Variants in PRICKLE2 observed in about 807,000 individuals in gnomAD.
PRICKLE2 encodes the protein prickle-like protein 2.
A neutral mutation model predicts 81.4 loss-of-function variants in PRICKLE2; 21 were observed. The observed-to-expected ratio is 0.26, with a 90% CI of 0.18 to 0.37. The LOEUF is 0.37. Among genes scored for constraint, PRICKLE2 ranks in the 10% least tolerant of loss-of-function variants. PRICKLE2 has a pLI of 1.00. For synonymous variants in PRICKLE2, 456 were observed against 421.5 expected (o/e 1.08, Z -1.00); for missense variants, 940 against 1,109.0 (o/e 0.85, Z 2.16).
chr3:64,153,111 C>T lies in PRICKLE2; in HGVS notation c.787+71G>A, dbSNP rs979156786. 4 of 1,411,864 alleles carry T rather than the reference C, an allele frequency of 2.8e-6. No individual in the cohort carries two copies. The Admixed American group carries it at 5.0e-5, about 18-fold the overall frequency. 87.5% of individuals were successfully genotyped at this position (1,411,864 alleles called of 1,614,324 possible). ...TTTCTAACACTTGCAATCAAAGATACTTTAACTACACCCAAAACAAAGGTG... is the reference window on the plus strand; with the variant it reads ...TTTCTAACACTTGCAATCAAAGATATTTTAACTACACCCAAAACAAAGGTG... On this transcript the variant is annotated intron_variant, in intron 6 of 7. Transcript: ENST00000638394.
At chr3:64,222,506 G>C (rs2078970857) in intron 1 of PRICKLE2, among the ~76,000 whole-genome samples, 1 of 152,182 alleles carries the variant, frequency 6.6e-6, no homozygotes, top group Non-Finnish European at 1.5e-5. Context: ...GACAGAAGTA[G>C]GCCCACCGGC....
chr3:64,166,726 T>G (rs2077839676), intron 2 of PRICKLE2, among the ~76,000 whole-genome samples: 1 of 152,188 alleles, frequency 6.6e-6, no homozygotes, highest in Non-Finnish European at 1.5e-5. Flanking sequence ...AAGTTAATAT[T>G]AATTAACAAC....
At position 64,099,456 on chromosome 3, in the gene PRICKLE2, C is replaced by A; in HGVS notation, c.2130G>T (p.Arg710=). ...CTCTCAGAGGGGGCCTATCTTTTAA[C>A]CGGGAGATGGCCTCGCGTTCGCTGG... ...HLASEREAIS[R]LKDRPPLRAR... The change falls in exon 8 of 8, where the codon CGG becomes CGT. Residue 710 remains arginine, a synonymous_variant. Transcript: ENST00000638394. This position sits in a 1 kb window ranked among gnomAD's most constrained non-coding sequence, Gnocchi z 4.3. The A allele has an allele frequency of 6.3e-7, 1 of 1,584,724 alleles. No individual in the cohort carries two copies. Among genetic ancestry groups the A allele is most frequent in the Non-Finnish European group, 8.6e-7 (1 of 1,162,082 alleles).
At chr3:64,114,939 G>T (rs2076911441) in intron 7 of PRICKLE2, among the ~76,000 whole-genome samples, 1 of 152,102 alleles carries the variant, frequency 6.6e-6, no homozygotes, top group African/African-American at 2.4e-5. Context: ...AATGTTAAAG[G>T]CAGCTAGAGG....
At chr3:64,125,166 A>G (rs1348407276) in intron 7 of PRICKLE2, among the ~76,000 whole-genome samples, 4 of 152,218 alleles carry the variant, frequency 2.6e-5, no homozygotes, top group African/African-American at 9.7e-5. Context: ...ACTAGAATTA[A>G]GAGTGGAGCC....
intron 2 of PRICKLE2, among the ~76,000 whole-genome samples, chr3:64,256,437 C>G (rs1204839017): frequency 6.6e-6 from 1 of 152,076 alleles, no homozygotes; most frequent in Non-Finnish European, 1.5e-5. Flanking sequence ...ACACAAGTAC[C>G]TACATACTAG....
intron 7 of PRICKLE2, chr3:64,100,320 A>G (rs1277438690): frequency 5.3e-6 from 1 of 188,864 alleles, no homozygotes; most frequent in East Asian, 1.3e-4. Flanking sequence ...GATATTTTGG[A>G]TGAGCAAACT....
At chr3:64,131,371 T>C (rs1251064520) in intron 7 of PRICKLE2, among the ~76,000 whole-genome samples, 1 of 152,112 alleles carries the variant, frequency 6.6e-6, no homozygotes, top group Non-Finnish European at 1.5e-5. Flanking sequence ...CTGGGAAAAA[T>C]GACAACTGCT....
chr3:64,232,118 C>T (rs886136868), intron 2 of PRICKLE2, among the ~76,000 whole-genome samples: 6 of 152,156 alleles, frequency 3.9e-5, no homozygotes, highest in Non-Finnish European at 8.8e-5. Context: ...GATGTGTGTC[C>T]TTTCCCTTAG....
In PRICKLE2 at chr3:64,098,760, A is replaced by T; in HGVS notation, c.*291T>A. ...AAAAGCGAGCAGGAAACAATTTACCATCTTGAGAGATGGCAACTCAACACA... is the reference window on the plus strand; with the variant it reads ...AAAAGCGAGCAGGAAACAATTTACCTTCTTGAGAGATGGCAACTCAACACA... On this transcript the variant is annotated 3_prime_UTR_variant, in exon 8 of 8. Coordinates refer to ENST00000638394, the MANE Select transcript of PRICKLE2 (RefSeq NM_198859.4). 6.9e-6 allele frequency: 3 copies of T among 435,156 alleles called. No individual in the cohort carries two copies. In the Admixed American group the frequency reaches 1.1e-4, roughly 16 times the overall value. 27.0% of individuals were successfully genotyped at this position (435,156 alleles called of 1,614,324 possible). A position where few individuals can be genotyped will look rare whatever the true frequency, so the allele number is the denominator to read the frequency against.
chr3:64,139,939 A>G (rs534915103), intron 7 of PRICKLE2, among the ~76,000 whole-genome samples: 80 of 152,288 alleles, frequency 5.3e-4, no homozygotes, highest in African/African-American at 1.9e-3. Flanking sequence ...ACTTACTTAT[A>G]TCATACAATT....
At chr3:64,171,374 A>T (rs2077928330) in intron 2 of PRICKLE2, among the ~76,000 whole-genome samples, 1 of 152,244 alleles carries the variant, frequency 6.6e-6, no homozygotes, top group Non-Finnish European at 1.5e-5. Context: ...GGTAGAGGCC[A>T]GGGACGCTGC....
chr3:64,246,799 A>G (rs950178704), intron 2 of PRICKLE2, among the ~76,000 whole-genome samples: 22 of 152,238 alleles, frequency 1.4e-4, no homozygotes, highest in African/African-American at 4.3e-4. Flanking sequence ...CAAAGGTTTT[A>G]CTTTCCTTTG....
chr3:64,186,213 A>G (rs968992518), intron 2 of PRICKLE2, among the ~76,000 whole-genome samples: 11 of 152,220 alleles, frequency 7.2e-5, no homozygotes, highest in African/African-American at 2.7e-4. Context: ...ATTTTTGACT[A>G]TGGAAAAGAA....
chr3:64,266,255 CAGA>C (rs757844556), intron 2 of PRICKLE2, among the ~76,000 whole-genome samples: 8 of 152,060 alleles, frequency 5.3e-5, no homozygotes, highest in Non-Finnish European at 7.4e-5. Context: ...AATCTGCCTT[CAGA>C]AGAAGAACGG....
At chr3:64,233,262 A>ATTTTTTTTTTTTTTTTTTT (rs1347012936) in intron 2 of PRICKLE2, among the ~76,000 whole-genome samples, 3 of 151,956 alleles carry the variant, frequency 2.0e-5, no homozygotes, top group Non-Finnish European at 4.4e-5. Context: ...TACCTGGTCT[A>ATTTTTTTTTTTTTTTTTTT]TTATTGCTCC....
intron 2 of PRICKLE2, among the ~76,000 whole-genome samples, chr3:64,165,648 C>T (rs925570463): frequency 1.8e-4 from 28 of 152,198 alleles, no homozygotes; most frequent in African/African-American, 6.3e-4. Flanking sequence ...GCAGGAACTA[C>T]CAGCGCATGC....
intron 2 of PRICKLE2, among the ~76,000 whole-genome samples, chr3:64,190,774 C>T (rs1463577195): frequency 6.6e-6 from 1 of 152,206 alleles, no homozygotes; most frequent in African/African-American, 2.4e-5. Flanking sequence ...CCTCTGCTGA[C>T]CTGTTGATCC....
intron 2 of PRICKLE2, among the ~76,000 whole-genome samples, chr3:64,166,156 C>G (rs1472278600): frequency 1.3e-5 from 2 of 152,164 alleles, no homozygotes; most frequent in Non-Finnish European, 2.9e-5. Flanking sequence ...GCTCTCTTCT[C>G]TTCCTGCAGA....
Sources: gnomAD v4.1 joint callset for allele counts (sites outside exome capture counted in the v4.1 genomes callset) on GRCh38, gnomAD v4.1.1 for gene constraint, Gnocchi (gnomAD v3.1) non-coding constraint, MANE v1.5 for transcripts, NCBI Gene and HGNC (gene_info 2026-07-23, HGNC 2026-07-21) for gene names.